CDK14: variants seen among roughly 807,000 people sequenced by gnomAD.
CDK14 encodes the protein cyclin-dependent kinase 14.
A neutral mutation model predicts 60.7 loss-of-function variants in CDK14; 34 were observed. That is an observed-to-expected ratio of 0.56 (90% CI 0.43 to 0.75). The LOEUF is 0.75. CDK14 is among the 30% of genes least tolerant of loss of function. The pLI, the probability that CDK14 is intolerant of heterozygous loss-of-function variation, is 0.00. For synonymous variants in CDK14, 197 were observed against 203.7 expected, an observed-to-expected ratio of 0.97 and a Z score of 0.28; for missense variants, 482 against 564.1, an observed-to-expected ratio of 0.85 and a Z score of 1.47.
At chr7:91,175,785 AC>A (rs1801724117) in intron 14 of CDK14, among the ~76,000 whole-genome samples, 2 of 147,208 alleles carry the variant, frequency 1.4e-5, no homozygotes, top group South Asian at 2.3e-4. Context: ...TGCACCCAAT[AC>A]AGGAGCACCC....
In CDK14 at chr7:90,851,082, G is replaced by A. The variant is rs936812455; in HGVS notation, c.545-12093G>A. 8.5e-5 allele frequency among the ~76,000 whole-genome samples: 13 copies of A among 152,206 alleles called. No individual in the cohort carries two copies. In the East Asian group the frequency reaches 2.3e-3, roughly 27 times the overall value. On this transcript the variant is annotated intron_variant, in intron 5 of 14. Transcript: ENST00000380050. The stretch of plus-strand genomic sequence containing the variant: ...TGGATGCAAGAAAACTAAGACAAAA[G>A]GAAAAGCAGAAAATATTTATTTTAT...
chr7:90,712,383 T>C (rs1429578641), intron 2 of CDK14, among the ~76,000 whole-genome samples: 2 of 151,872 alleles, frequency 1.3e-5, no homozygotes, highest in Non-Finnish European at 2.9e-5. Flanking sequence ...TCATAGTAGA[T>C]TAAATTGAGT....
intron 10 of CDK14, among the ~76,000 whole-genome samples, chr7:91,004,083 T>G (rs1401416038): frequency 6.6e-6 from 1 of 152,164 alleles, no homozygotes; most frequent in Admixed American, 6.5e-5. Flanking sequence ...GAATGATCTA[T>G]GCGTTCATAC....
chr7:91,120,827 G>A (rs976452421), intron 14 of CDK14, among the ~76,000 whole-genome samples: 5 of 152,036 alleles, frequency 3.3e-5, no homozygotes, highest in Admixed American at 6.6e-5. Flanking sequence ...GTGAGTCACC[G>A]CGCCTGGCCC....
At chr7:90,879,478 G>A (rs757693559) in intron 6 of CDK14, among the ~76,000 whole-genome samples, 3 of 152,124 alleles carry the variant, frequency 2.0e-5, no homozygotes, top group African/African-American at 2.4e-5. Context: ...AGAAGCAGCG[G>A]TGATTGGAGG....
At chr7:90,900,562 C>T (rs1312157447) in intron 7 of CDK14, among the ~76,000 whole-genome samples, 1 of 152,138 alleles carries the variant, frequency 6.6e-6, no homozygotes, top group African/African-American at 2.4e-5. Context: ...TATACATCCA[C>T]ATGTTCTCAG....
chr7:90,935,387 TTAATGCTA>T (rs1434933496), intron 8 of CDK14, among the ~76,000 whole-genome samples: 3 of 152,206 alleles, frequency 2.0e-5, no homozygotes, highest in Non-Finnish European at 4.4e-5. Context: ...ATGGCAAATT[TTAATGCTA>T]TCAGAAAGGG....
chr7:91,049,253 G>A (rs1797324883), intron 11 of CDK14, among the ~76,000 whole-genome samples: 1 of 152,148 alleles, frequency 6.6e-6, no homozygotes, highest in African/African-American at 2.4e-5. Flanking sequence ...TTTGAAAAAT[G>A]ATCCTTTCTA....
intron 8 of CDK14, among the ~76,000 whole-genome samples, chr7:90,933,077 T>G (rs1291953419): frequency 6.6e-6 from 1 of 152,128 alleles, no homozygotes; most frequent in East Asian, 1.9e-4. Flanking sequence ...TGATGGCTCA[T>G]GTCTGTAATC....
intron 14 of CDK14, among the ~76,000 whole-genome samples, chr7:91,181,359 A>C (rs2518785): frequency 0.38 from 57,584 of 151,810 alleles, 11,354 homozygotes; most frequent in African/African-American, 0.49. Context: ...TCTCTCTCCC[A>C]TATTTTCTAC....
At chr7:91,205,895 A>T (rs369285669) in intron 14 of CDK14, among the ~76,000 whole-genome samples, 18 of 152,052 alleles carry the variant, frequency 1.2e-4, no homozygotes, top group African/African-American at 4.3e-4. Context: ...TCCTGGGTTC[A>T]TGCCATTCTC....
chr7:90,827,868 C>A (rs141572812), intron 5 of CDK14, among the ~76,000 whole-genome samples: 248 of 152,284 alleles, frequency 1.6e-3, no homozygotes, highest in African/African-American at 5.9e-3. Flanking sequence ...AAAAGCTTTT[C>A]TTGTAAACCC....
chr7:91,041,938 C>CA (rs1253177655), intron 10 of CDK14, among the ~76,000 whole-genome samples: 1 of 152,184 alleles, frequency 6.6e-6, no homozygotes, highest in Non-Finnish European at 1.5e-5. Context: ...AGATCAACAT[C>CA]ATCCACTCTG....
At chr7:91,140,094 G>C (rs923405927) in intron 14 of CDK14, among the ~76,000 whole-genome samples, 3 of 152,080 alleles carry the variant, frequency 2.0e-5, no homozygotes, top group African/African-American at 7.2e-5. Context: ...GGGATGAAAG[G>C]CAAAAGTGAG....
At chr7:90,916,878 T>C (rs1793098968) in intron 7 of CDK14, among the ~76,000 whole-genome samples, 1 of 152,210 alleles carries the variant, frequency 6.6e-6, no homozygotes, top group Non-Finnish European at 1.5e-5. Context: ...AGGCTATTAA[T>C]CACTTCTGAA....
chr7:90,747,588 AC>A, intron 3 of CDK14, 92 bp from the exon 4 acceptor site: 1 of 702,724 alleles, frequency 1.4e-6, no homozygotes, highest in South Asian at 1.8e-5. Flanking sequence ...TTAAAAAGTG[AC>A]AGAGAATCTG....
chr7:90,872,498 CTT>C (rs1198965551), intron 6 of CDK14, among the ~76,000 whole-genome samples: 2 of 152,144 alleles, frequency 1.3e-5, no homozygotes, highest in African/African-American at 4.8e-5. Flanking sequence ...TCAGTGCTCT[CTT>C]AGGAACTTCT....
chr7:90,965,196 G>A (rs1158683578), intron 9 of CDK14, among the ~76,000 whole-genome samples: 1 of 151,984 alleles, frequency 6.6e-6, no homozygotes, highest in East Asian at 1.9e-4. Context: ...GGTGTTGTAG[G>A]TCCTAAGATG....
intron 2 of CDK14, among the ~76,000 whole-genome samples, chr7:90,715,318 AC>A (rs1802209449): frequency 6.6e-6 from 1 of 152,040 alleles, no homozygotes; most frequent in African/African-American, 2.4e-5. Context: ...GTTTAAAAAT[AC>A]CCCTCAAACA....
Sources: allele counts gnomAD v4.1 joint callset (sites outside exome capture counted in the v4.1 genomes callset), GRCh38; gene constraint gnomAD v4.1.1; transcripts MANE v1.5; gene names NCBI Gene and HGNC (gene_info 2026-07-23, HGNC 2026-07-21).